The following NOTCH1 variants were observed in gnomAD, a reference collection of about 807,000 sequenced individuals.
NOTCH1 encodes notch receptor 1.
In NOTCH1, 37 loss-of-function variants were observed where a neutral mutation model predicts 254.8. The ratio of observed to expected loss-of-function variants is 0.15; its 90% CI spans 0.11 to 0.19. NOTCH1 has a LOEUF of 0.19. NOTCH1 is among the 10% of genes least tolerant of loss of function. The probability of loss-of-function intolerance (pLI) is 1.00; values close to 1 mark genes in which losing one functional copy is unlikely to be tolerated. For synonymous variants in NOTCH1, 1,731 were observed against 1,618.1 expected (o/e 1.07, Z -1.68); for missense variants, 2,972 against 3,708.6 (o/e 0.80, Z 5.16).
At position 136,517,289 on chromosome 9, in the gene NOTCH1, T is replaced by C; in HGVS notation, c.1538A>G (p.Gln513Arg). 1 of 1,606,044 alleles carries C rather than the reference T, an allele frequency of 6.2e-7. No individual in the cohort carries two copies. Among genetic ancestry groups the C allele is most frequent in the Non-Finnish European group, 8.5e-7 (1 of 1,176,630 alleles). Residue 513 changes from glutamine to arginine, a missense_variant, in exon 9 of 34, where the codon CAG becomes CGG. By Grantham distance (43) the Gln-to-Arg change is conservative. Transcript: ENST00000651671. ...GRCLDKINEF[Q>R]CECPTGFTGH... Reference sequence around the variant, plus strand: ...GCCCTCACCCGTGGGGCACTCGCACTGGAACTCATTGATCTTGTCCAGGCA... The same window carrying C: ...GCCCTCACCCGTGGGGCACTCGCACCGGAACTCATTGATCTTGTCCAGGCA...
chr9:136,510,053 C>T, intron 17 of NOTCH1, 92 bp from the exon 18 acceptor site: 1 of 1,269,882 alleles, frequency 7.9e-7, no homozygotes, highest in Non-Finnish European at 1.1e-6. Flanking sequence ...GGGGACAGCC[C>T]AGCCTTTCGT....
intron 4 of NOTCH1, among the ~76,000 whole-genome samples, chr9:136,520,807 T>C (rs1436294358): frequency 2.6e-5 from 4 of 151,056 alleles, no homozygotes; most frequent in African/African-American, 4.9e-5. Flanking sequence ...GCACCCCGGC[T>C]CCGAGGCAGA....
intron 24 of NOTCH1, 37 bp from the exon 25 acceptor site, chr9:136,505,918 G>GCCACCCCCCGC: frequency 6.6e-7 from 1 of 1,517,792 alleles, no homozygotes; most frequent in Non-Finnish European, 8.8e-7. Flanking sequence ...GTCGGGGTGG[G>GCCACCCCCCGC]CCACCCCCCG....
Position 136,495,063 on chromosome 9 carries a change from T to C in NOTCH1, c.*1008A>G, listed in dbSNP as rs781000587. 24 of 398,914 alleles carry C rather than the reference T, an allele frequency of 6.0e-5. No individual in the cohort carries two copies. Among genetic ancestry groups the C allele is most frequent in the Non-Finnish European group, 1.1e-4 (24 of 226,122 alleles). The allele number at this position is 398,914 out of a possible 1,614,324, so 24.7% of individuals were successfully genotyped here. ...CCACGGGGGGTCGGGTCCCGCGAGC[T>C]GGGGCCCAGGCTGTGTTGCTGGAGC... On this transcript the variant is annotated 3_prime_UTR_variant, in exon 34 of 34. Coordinates refer to ENST00000651671, the MANE Select transcript of NOTCH1 (RefSeq NM_017617.5).
At chr9:136,510,404 C>G in intron 17 of NOTCH1, 1 of 601,082 alleles carries the variant, frequency 1.7e-6, no homozygotes, top group Non-Finnish European at 3.0e-6. Context: ...ATCCTCGGCT[C>G]AGTGAAGAGC....
intron 3 of NOTCH1, 141 bp downstream of exon 3, chr9:136,523,576 G>A: frequency 1.5e-5 from 16 of 1,085,940 alleles, no homozygotes; most frequent in Non-Finnish European, 2.1e-5. Context: ...TGGGAGGGGG[G>A]CAGGGACCCT....
Position 136,507,339 on chromosome 9 carries a change from G to A in NOTCH1, c.3609C>T (p.Asn1203=). ...CCCGTGGGCAGGAGCACTTGTAGGT[G>A]TTGGGGAGGTCGAGGCAGGTGCCCC... ...QNGGTCLDLP[N]TYKCSCPRGT... Residue 1203 remains asparagine, a synonymous_variant, in exon 22 of 34, where the codon AAC becomes AAT. Transcript: ENST00000651671. The A allele has an allele frequency of 6.2e-7, 1 of 1,612,998 alleles. No individual in the cohort carries two copies. The highest frequency in any genetic ancestry group is 8.5e-7 in the Non-Finnish European group (1 of 1,179,954).
chr9:136,522,551 A>T, intron 4 of NOTCH1: 1 of 429,356 alleles, frequency 2.3e-6, no homozygotes, highest in Non-Finnish European at 4.1e-6. Flanking sequence ...GGGTTGCGCA[A>T]GTCAGGGTGC....
rs1401319182 is a variant in NOTCH1 at position 136,522,960 on chromosome 9, G to C, written c.632C>G (p.Thr211Ser). The change falls in exon 4 of 34, where the codon ACT becomes AGT. Residue 211 changes from threonine to serine, a missense_variant. Thr to Ser is a moderately conservative substitution (Grantham distance 58). Transcript: ENST00000651671. ...GTAGGGCCGCTCGCAGTTGGGGCCA[G>C]TGTGGGTGGCGCGGCAGACGCAGCG... ...SYRCVCRATH[T>S]GPNCERPYVP... The C allele has an allele frequency of 3.0e-5, 47 of 1,558,364 alleles. No individual in the cohort carries two copies. The highest frequency in any genetic ancestry group is 4.0e-5 in the Non-Finnish European group (46 of 1,151,892).
chr9:136,530,482 G>A (rs189794647), intron 2 of NOTCH1, among the ~76,000 whole-genome samples: 17 of 152,302 alleles, frequency 1.1e-4, no homozygotes, highest in Admixed American at 8.5e-4. Context: ...TGGAGATGGC[G>A]GAGCTGGGGT....
At chr9:136,505,932 C>T in intron 24 of NOTCH1, 51 bp from the exon 25 acceptor site, 12 of 1,487,368 alleles carry the variant, frequency 8.1e-6, no homozygotes, top group South Asian at 1.2e-5. Context: ...CCCCCCGCCC[C>T]CCCGCCACCT....
chr9:136,527,819 C>T (rs1223923506), intron 2 of NOTCH1, among the ~76,000 whole-genome samples: 4 of 152,108 alleles, frequency 2.6e-5, no homozygotes, highest in Non-Finnish European at 4.4e-5. Flanking sequence ...GAGCGGCGGG[C>T]GGGGACTCCA....
intron 2 of NOTCH1, among the ~76,000 whole-genome samples, chr9:136,528,379 TG>T: frequency 8.8e-6 from 1 of 113,752 alleles, no homozygotes; most frequent in East Asian, 2.5e-4. Context: ...AAGGCAAGGA[TG>T]GGCAGGGACA....
intron 15 of NOTCH1, among the ~76,000 whole-genome samples, chr9:136,512,047 G>A (rs77596271): frequency 0.051 from 7,829 of 152,326 alleles, 272 homozygotes; most frequent in Middle Eastern, 0.095. Flanking sequence ...ACGGTGACCC[G>A]GGCAGGCAGG....
At chr9:136,532,021 A>T (rs1843570084) in intron 2 of NOTCH1, among the ~76,000 whole-genome samples, 1 of 151,576 alleles carries the variant, frequency 6.6e-6, no homozygotes, top group South Asian at 2.1e-4. Context: ...TGCCCCTGGC[A>T]CCCCCTCAGA....
chr9:136,539,802 G>A (rs1156669985), intron 2 of NOTCH1, among the ~76,000 whole-genome samples: 2 of 152,190 alleles, frequency 1.3e-5, no homozygotes, highest in African/African-American at 4.8e-5. Context: ...CGAGGCAGGT[G>A]ACTCAATGGA....
At chr9:136,543,549 T>C (rs2133405485) in intron 2 of NOTCH1, 1 of 302,610 alleles carries the variant, frequency 3.3e-6, no homozygotes, top group Admixed American at 5.2e-5. Flanking sequence ...AGAGGAGGCA[T>C]CACTACCAGC....
In NOTCH1 at chr9:136,523,999, G is replaced by A. The variant is rs1163909028; in HGVS notation, c.141-20C>T. On this transcript the variant is annotated intron_variant, in intron 2 of 33. Transcript: ENST00000651671. ...CCACAGCTGTTGGCAGATGTGCCAG[G>A]GCAGTTAGTTCCCACCTGCTTCCCC... is the stretch of plus-strand genomic sequence containing the variant. 4 of 1,542,774 alleles carry A rather than the reference G, an allele frequency of 2.6e-6. No homozygotes were observed. The highest frequency in any genetic ancestry group is 1.2e-5 in the South Asian group (1 of 84,132).
chr9:136,527,385 C>G (rs35116034), intron 2 of NOTCH1, among the ~76,000 whole-genome samples: 1 of 152,156 alleles, frequency 6.6e-6, no homozygotes. Context: ...AATGCTGTCC[C>G]GGCGGCCAGG....
Sources: gnomAD v4.1 joint callset for allele counts (sites outside exome capture counted in the v4.1 genomes callset) on GRCh38, gnomAD v4.1.1 for gene constraint, MANE v1.5 for transcripts, NCBI Gene and HGNC (gene_info 2026-07-23, HGNC 2026-07-21) for gene names.